Variants in WFS1 observed in about 807,000 individuals in gnomAD.
WFS1 encodes the protein wolframin.
In WFS1, 90 loss-of-function variants were observed where a neutral mutation model predicts 68.5. The observed-to-expected ratio is 1.31, with a 90% confidence interval of 1.11 to 1.56. WFS1 has a LOEUF of 1.56. Ranked by LOEUF, WFS1 falls within the 40% of genes most tolerant of loss-of-function variation. WFS1 has a pLI of 0.00. For missense variants in WFS1, 1,767 were observed against 1,232.6 expected (o/e 1.43, Z -6.49); for synonymous variants, 860 against 540.7 (o/e 1.59, Z -8.19).
chr4:6,278,268 G>A (rs1038616385), intron 2 of WFS1, among the ~76,000 whole-genome samples: 16 of 152,222 alleles, frequency 1.1e-4, no homozygotes, highest in African/African-American at 3.9e-4. Flanking sequence ...GGCCCTTGGT[G>A]TTCACAGGCA....
At chr4:6,297,026 A>G (rs1012402472) in intron 7 of WFS1, among the ~76,000 whole-genome samples, 2 of 152,110 alleles carry the variant, frequency 1.3e-5, no homozygotes, top group African/African-American at 4.8e-5. Context: ...TGGGGGTCTC[A>G]CTATTGTTAT....
chr4:6,301,591 T>G lies in WFS1; in HGVS notation c.1796T>G (p.Val599Gly), dbSNP rs768878443. ...FTSLELTKIA[V>G]TVAVCSVPLL... ...TCTCTGGAGCTCACCAAGATCGCAG[T>G]CACCGTGGCGGTCTGTAGTGTGCCC... is the stretch of plus-strand genomic sequence containing the variant. Residue 599 changes from valine to glycine, a missense_variant, in exon 8 of 8, where the codon GTC becomes GGC. Transcript: ENST00000226760. 2 of 1,614,046 alleles carry G rather than the reference T, an allele frequency of 1.2e-6. No homozygotes were observed. Among genetic ancestry groups the G allele is most frequent in the Admixed American group, 1.7e-5 (1 of 60,004 alleles).
In WFS1 at chr4:6,300,701, C is replaced by A; in HGVS notation, c.906C>A (p.Tyr302Ter). ...ACGCCATCATGGAGATCAAGGAGTA[C>A]CTGATTGACATGGCCTCCAGGGCAG... ...PLHAIMEIKE[Y>*]LIDMASRAGM... Residue 302 changes from tyrosine to a stop codon, truncating the protein, a stop_gained, in exon 8 of 8, where the codon TAC becomes TAA. Coordinates refer to ENST00000226760, the MANE Select transcript of WFS1 (RefSeq NM_006005.3). LOFTEE classifies it high-confidence loss of function. The A allele has an allele frequency of 1.2e-6, 2 of 1,614,064 alleles. No homozygotes were observed. Among genetic ancestry groups the A allele is most frequent in the Non-Finnish European group, 1.7e-6 (2 of 1,179,990 alleles).
chr4:6,293,723 C>A (rs1372005466), intron 6 of WFS1, among the ~76,000 whole-genome samples: 3 of 152,182 alleles, frequency 2.0e-5, no homozygotes, highest in Non-Finnish European at 4.4e-5. Flanking sequence ...CCAAGGTATT[C>A]ATCCCTATGA....
rs1690218961 is a variant in WFS1 at position 6,291,432 on chromosome 4, C to G, written c.631+65C>G. ...CCAGCCTTCCCACAGGAGCCAGGACCTTCCCATAGGGGCTGGGACCTTCCC... is the reference window on the plus strand; with the variant it reads ...CCAGCCTTCCCACAGGAGCCAGGACGTTCCCATAGGGGCTGGGACCTTCCC... On this transcript the variant is annotated intron_variant, in intron 5 of 7. Coordinates refer to ENST00000226760, the MANE Select transcript of WFS1 (RefSeq NM_006005.3). 3.8e-6 allele frequency: 6 copies of G among 1,586,222 alleles called. No homozygotes were observed. The Admixed American group carries it at 1.0e-4, about 27-fold the overall frequency.
rs191459207 is a variant in WFS1 at position 6,283,092 on chromosome 4, G to A, written c.233-4001G>A. On this transcript the variant is annotated intron_variant, in intron 2 of 7. Transcript: ENST00000226760. The surrounding 1 kb of genome is among the most constrained non-coding windows in gnomAD (Gnocchi z 5.0). The stretch of plus-strand genomic sequence containing the variant: ...GCAAGATATGGCAGTGGGCTGTGCC[G>A]GGAAGGGGCGCATCCTGGAGGATGC... 4.7e-4 allele frequency among the ~76,000 whole-genome samples: 71 copies of A among 152,308 alleles called. No individual in the cohort carries two copies. Among genetic ancestry groups the A allele is most frequent in the East Asian group, 2.1e-3 (11 of 5,176 alleles).
At chr4:6,288,877 T>G in intron 3 of WFS1, 110 bp from the exon 4 acceptor site, 1 of 1,515,372 alleles carries the variant, frequency 6.6e-7, no homozygotes. Flanking sequence ...TGCCCCTTCC[T>G]TCCTGGCCTG....
Position 6,292,010 on chromosome 4 carries a change from C to T in WFS1, c.712+13C>T, listed in dbSNP as rs1468472643. On this transcript the variant is annotated intron_variant, in intron 6 of 7. Transcript: ENST00000226760. ...GTCAGCAGCGAGTGTGAGTGCAGCC[C>T]CTGCCCCGTCTCACCCATGCCTCCC... is the stretch of plus-strand genomic sequence containing the variant. 1.3e-6 allele frequency: 2 copies of T among 1,597,512 alleles called. No individual in the cohort carries two copies. The highest frequency in any genetic ancestry group is 2.3e-5 in the South Asian group (2 of 88,034).
chr4:6,300,030 A>G (rs1242506295), intron 7 of WFS1, among the ~76,000 whole-genome samples: 2 of 151,974 alleles, frequency 1.3e-5, no homozygotes, highest in Non-Finnish European at 1.5e-5. Context: ...CTCCGGCCAT[A>G]GGGAGGGCAG....
At chr4:6,279,712 A>G (rs1730100080) in intron 2 of WFS1, among the ~76,000 whole-genome samples, 1 of 152,154 alleles carries the variant, frequency 6.6e-6, no homozygotes, top group African/African-American at 2.4e-5. Flanking sequence ...GACAACCCAC[A>G]TTGCAGTCCC....
intron 1 of WFS1, among the ~76,000 whole-genome samples, chr4:6,273,569 T>A (rs899200585): frequency 3.9e-5 from 1 of 25,874 alleles, no homozygotes; most frequent in Non-Finnish European, 8.2e-5. Context: ...TGCCTCAGGC[T>A]TCTGCCCACA....
chr4:6,301,634 G>T lies in WFS1; in HGVS notation c.1839G>T (p.Trp613Cys). The change falls in exon 8 of 8, where the codon TGG becomes TGT. Residue 613 changes from tryptophan to cysteine, a missense_variant. Transcript: ENST00000226760. ...GTGTGCCCCTGCTGTTGCGCTGGTGGACCAAGGCCAGCTTCTCTGTGGTGG... is the reference window on the plus strand; with the variant it reads ...GTGTGCCCCTGCTGTTGCGCTGGTGTACCAAGGCCAGCTTCTCTGTGGTGG... ...VCSVPLLLRW[W>C]TKASFSVVGM... 6.2e-7 allele frequency: 1 copy of T among 1,614,078 alleles called. No individual in the cohort carries two copies.
intron 7 of WFS1, among the ~76,000 whole-genome samples, chr4:6,297,497 T>C (rs1176343893): frequency 1.3e-5 from 2 of 152,232 alleles, no homozygotes; most frequent in Admixed American, 1.3e-4. Flanking sequence ...ACTTAATATC[T>C]TAAAATCGTA....
In WFS1 at chr4:6,302,404, C is replaced by G. The variant is rs1458755309; in HGVS notation, c.2609C>G (p.Thr870Ser). 2 of 1,613,078 alleles carry G rather than the reference C, an allele frequency of 1.2e-6. No individual in the cohort carries two copies. Among genetic ancestry groups the G allele is most frequent in the Non-Finnish European group, 8.5e-7 (1 of 1,180,032 alleles). The change falls in exon 8 of 8, where the codon ACC becomes AGC. Residue 870 changes from threonine to serine, a missense_variant. Physicochemically the swap from Thr to Ser is moderately conservative, Grantham distance 58 (BLOSUM62 1). Transcript: ENST00000226760. ...HVKIEHDWRSTVHGAVKFAFD... is the reference protein window; with the variant it reads ...HVKIEHDWRSSVHGAVKFAFD... ...AAGATCGAGCACGACTGGCGCAGCA[C>G]CGTGCATGGCGCCGTGAAGTTCGCC...
At chr4:6,285,285 C>T (rs542418434) in intron 2 of WFS1, among the ~76,000 whole-genome samples, 6 of 149,904 alleles carry the variant, frequency 4.0e-5, no homozygotes, top group Admixed American at 3.3e-4. Flanking sequence ...GGGAGAGGGG[C>T]GTCCAGCGAG....
rs1560417643 is a variant in WFS1 at position 6,300,664 on chromosome 4, A to G, written c.869A>G (p.Lys290Arg). 6.2e-7 allele frequency: 1 copy of G among 1,613,976 alleles called. No individual in the cohort carries two copies. Among genetic ancestry groups the G allele is most frequent in the Non-Finnish European group, 8.5e-7 (1 of 1,179,936 alleles). Reference sequence around the variant, plus strand: ...GTACCATCTTTCCCCCAGGTGGTCAAGTACCCCCTGCACGCCATCATGGAG... The same window carrying G: ...GTACCATCTTTCCCCCAGGTGGTCAGGTACCCCCTGCACGCCATCATGGAG... ...EDLPLRLKVV[K>R]YPLHAIMEIK... The change falls in exon 8 of 8, where the codon AAG (lysine) becomes AGG (arginine). Residue 290 changes from lysine (K) to arginine (R), a missense_variant. By Grantham distance (26) the Lys-to-Arg change is conservative (BLOSUM62 2). Coordinates refer to ENST00000226760, the MANE Select transcript of WFS1 (RefSeq NM_006005.3).
intron 7 of WFS1, among the ~76,000 whole-genome samples, chr4:6,298,621 T>G (rs1010363889): frequency 6.6e-6 from 1 of 152,054 alleles, no homozygotes; most frequent in Non-Finnish European, 1.5e-5. Flanking sequence ...CCTTCTCATC[T>G]GTGGAAGGCT....
chr4:6,291,099 C>G, intron 4 of WFS1, 98 bp from the exon 5 acceptor site: 1 of 1,398,762 alleles, frequency 7.1e-7, no homozygotes, highest in East Asian at 2.3e-5. Context: ...TTCTATGAGT[C>G]TCGCTCGAAA....
rs745502742 is a variant in WFS1, at chr4:6,301,464, C to T, written c.1669C>T (p.Leu557Phe). 26 of 1,612,614 alleles carry T rather than the reference C, an allele frequency of 1.6e-5. No homozygotes were observed. The highest frequency in any genetic ancestry group is 5.3e-5 in the African/African-American group (4 of 74,952). Residue 557 changes from leucine (L) to phenylalanine (F), a missense_variant, in exon 8 of 8, where the codon CTC becomes TTC. By Grantham distance (22) the Leu-to-Phe change is conservative. Coordinates refer to ENST00000226760, the MANE Select transcript of WFS1 (RefSeq NM_006005.3). ...GCTGGAGTCCACCGGCCTGGGGCTGCTCCGCGCCTCCATCGGCTACTTCCT... is the reference window on the plus strand; with the variant it reads ...GCTGGAGTCCACCGGCCTGGGGCTGTTCCGCGCCTCCATCGGCTACTTCCT... ...ILLESTGLGL[L>F]RASIGYFLFL...
Sources: allele counts gnomAD v4.1 joint callset (sites outside exome capture counted in the v4.1 genomes callset), GRCh38; gene constraint gnomAD v4.1.1; non-coding constraint Gnocchi (gnomAD v3.1); transcripts MANE v1.5; gene names NCBI Gene and HGNC (gene_info 2026-07-23, HGNC 2026-07-21).